ZNF853: variants seen among roughly 807,000 people sequenced by gnomAD.
The protein encoded by ZNF853 is zinc finger protein 853.
Under a neutral mutation model 94.7 loss-of-function variants are expected in ZNF853, and 57 were observed. The observed-to-expected ratio is 0.60, with a 90% CI of 0.49 to 0.75. ZNF853 has a LOEUF of 0.75. Among genes scored for constraint, ZNF853 ranks in the 30% least tolerant of loss-of-function variants. ZNF853 has a pLI of 0.00. For missense variants in ZNF853, 785 were observed against 868.9 expected (o/e 0.90, Z 1.21); for synonymous variants, 448 against 406.3 (o/e 1.10, Z -1.23).
Position 6,622,602 on chromosome 7 carries a change from CG to C in ZNF853, c.1612del (p.Glu538ArgfsTer161). 6.3e-7 allele frequency: 1 copy of C among 1,580,036 alleles called. No individual in the cohort carries two copies. The highest frequency in any genetic ancestry group is 8.6e-7 in the Non-Finnish European group (1 of 1,163,954). On this transcript the variant is annotated frameshift_variant, in exon 3 of 3. Coordinates refer to ENST00000457543, the MANE Select transcript of ZNF853 (RefSeq NM_017560.3). LOFTEE classifies it high-confidence loss of function. ...TGACGCACCAACGCATCCACACGGG[CG>C]AGAAACCCTACGCCTGCTCCTACTG... ...LVTHQRIHTG[E>X]KPYACSYCAK...
In ZNF853 at chr7:6,623,638, C is replaced by T. The variant is rs896092656; in HGVS notation, c.*667C>T. The T allele has an allele frequency of 3.3e-6, 1 of 301,560 alleles. No homozygotes were observed. The allele number at this position is 301,560 out of a possible 1,614,324, so 18.7% of individuals were successfully genotyped here. ...GTCCTGCTCCGGGTGGAAGGTAAAA[C>T]CTTCCCTCCAGGGAACCAGGGGCTC... On this transcript the variant is annotated 3_prime_UTR_variant, in exon 3 of 3. Coordinates refer to ENST00000457543, the MANE Select transcript of ZNF853 (RefSeq NM_017560.3).
Position 6,622,210 on chromosome 7 carries a change from G to A in ZNF853, c.1219G>A (p.Val407Met). 1 of 1,536,622 alleles carries A rather than the reference G, an allele frequency of 6.5e-7. No individual in the cohort carries two copies. The highest frequency in any genetic ancestry group is 2.4e-5 in the East Asian group (1 of 40,862). ...QQEVQLELTP[V>M]QPELQLELVP... ...GGAGGTGCAGCTGGAGCTGACCCCCGTGCAGCCGGAGCTGCAGCTGGAACT... is the reference window on the plus strand; with the variant it reads ...GGAGGTGCAGCTGGAGCTGACCCCCATGCAGCCGGAGCTGCAGCTGGAACT... The change falls in exon 3 of 3, where the codon GTG (valine) becomes ATG (methionine). Residue 407 changes from valine to methionine, a missense_variant. Physicochemically the swap from Val to Met is conservative, Grantham distance 21. Coordinates refer to ENST00000457543, the MANE Select transcript of ZNF853 (RefSeq NM_017560.3).
In ZNF853 at chr7:6,622,327, C is replaced by T; in HGVS notation, c.1336C>T (p.Leu446Phe). Residue 446 changes from leucine (L) to phenylalanine (F), a missense_variant, in exon 3 of 3, where the codon CTC (leucine) becomes TTC (phenylalanine). Physicochemically the swap from Leu to Phe is conservative, Grantham distance 22. Coordinates refer to ENST00000457543, the MANE Select transcript of ZNF853 (RefSeq NM_017560.3). ...CCCGGGCTACGTGGTGGTGCAGGAG[C>T]TCATGGTGCTGCCCGCCGTGGCAGC... ...APPGYVVVQE[L>F]MVLPAVAAPA... 1.3e-6 allele frequency: 2 copies of T among 1,500,228 alleles called. No homozygotes were observed. Among genetic ancestry groups the T allele is most frequent in the Non-Finnish European group, 1.8e-6 (2 of 1,133,094 alleles). 92.9% of individuals were successfully genotyped at this position (1,500,228 alleles called of 1,614,324 possible).
rs1239318801 is a variant in ZNF853 at position 6,622,559 on chromosome 7, C to T, written c.1568C>T (p.Ser523Leu). The T allele has an allele frequency of 1.3e-6, 2 of 1,559,078 alleles. No homozygotes were observed. The highest frequency in any genetic ancestry group is 1.7e-6 in the Non-Finnish European group (2 of 1,152,646). The change falls in exon 3 of 3, where the codon TCG (serine) becomes TTG (leucine). Residue 523 changes from serine (S) to leucine (L), a missense_variant. By Grantham distance (145) the Ser-to-Leu change is moderately radical. Coordinates refer to ENST00000457543, the MANE Select transcript of ZNF853 (RefSeq NM_017560.3). ...HRCGECGKGF[S>L]QHSNLVTHQR... ...TGCGGCGAGTGCGGCAAGGGCTTCT[C>T]GCAGCACTCGAATCTGGTGACGCAC...
At chr7:6,619,615 G>T in intron 2 of ZNF853, among the ~76,000 whole-genome samples, 2 of 152,102 alleles carry the variant, frequency 1.3e-5, no homozygotes, top group Non-Finnish European at 2.9e-5. Flanking sequence ...AAAATGGCCA[G>T]AAAGCAAACT....
chr7:6,619,522 G>A, intron 2 of ZNF853, among the ~76,000 whole-genome samples: 2 of 152,038 alleles, frequency 1.3e-5, no homozygotes, highest in Non-Finnish European at 2.9e-5. Context: ...CATCTGCCTC[G>A]GCCTCCCAAA....
At chr7:6,620,076 T>C in intron 2 of ZNF853, among the ~76,000 whole-genome samples, 1 of 152,194 alleles carries the variant, frequency 6.6e-6, no homozygotes, top group African/African-American at 2.4e-5. Flanking sequence ...CTTGTTGTAC[T>C]GTTTAAGCAG....
At chr7:6,620,393 G>A in intron 2 of ZNF853, among the ~76,000 whole-genome samples, 1 of 152,160 alleles carries the variant, frequency 6.6e-6, no homozygotes, top group Non-Finnish European at 1.5e-5. Flanking sequence ...GTTTCTACTG[G>A]AGGGTGATTA....
chr7:6,621,788 T>G lies in ZNF853; in HGVS notation c.797T>G (p.Leu266Arg), dbSNP rs1320178989. ...CAGCAGGCACAGTTACAACAGCAGC[T>G]GCTGGAACAGCAGCAGGCACAGTTA... Reference protein sequence around the residue: ...QQQQAQLQQQLLEQQQAQLQQ... With the variant: ...QQQQAQLQQQRLEQQQAQLQQ... The change falls in exon 3 of 3, where the codon CTG (leucine) becomes CGG (arginine). Residue 266 changes from leucine to arginine, a missense_variant. Coordinates refer to ENST00000457543, the MANE Select transcript of ZNF853 (RefSeq NM_017560.3). 6.5e-7 allele frequency: 1 copy of G among 1,549,246 alleles called. No individual in the cohort carries two copies. Among genetic ancestry groups the G allele is most frequent in the Admixed American group, 2.0e-5 (1 of 50,910 alleles).
chr7:6,618,094 G>A, intron 2 of ZNF853, among the ~76,000 whole-genome samples: 15 of 152,198 alleles, frequency 9.9e-5, no homozygotes, highest in Admixed American at 3.3e-4. Flanking sequence ...GAGGCCAGGA[G>A]TTTGAGACCA....
chr7:6,621,619 C>G lies in ZNF853; in HGVS notation c.628C>G (p.Gln210Glu). Residue 210 changes from glutamine (Q) to glutamate (E), a missense_variant, in exon 3 of 3, where the codon CAG becomes GAG. Transcript: ENST00000457543. ...ACAGCTGTTACAGCAACAGCAGGAA[C>G]AGTTACAGCAGCAGCAGCTGCTACA... Reference protein sequence around the residue: ...EQQLLQQQQEQLQQQQLLQQQ... With the variant: ...EQQLLQQQQEELQQQQLLQQQ... The G allele has an allele frequency of 1.3e-6, 2 of 1,550,046 alleles. No homozygotes were observed.
At position 6,621,841 on chromosome 7, in the gene ZNF853, G is replaced by C; in HGVS notation, c.850G>C (p.Glu284Gln). Residue 284 changes from glutamate (E) to glutamine (Q), a missense_variant, in exon 3 of 3, where the codon GAA becomes CAA. Physicochemically the swap from Glu to Gln is conservative, Grantham distance 29. Transcript: ENST00000457543. ...GCAGCAGCTACTGCTGCAGCAGCAG[G>C]AACAGTTACAGCAGCAGCAGCAACA... ...LQQQLLLQQQ[E>Q]QLQQQQQQQL... 6.4e-7 allele frequency: 1 copy of C among 1,550,626 alleles called. No homozygotes were observed. The highest frequency in any genetic ancestry group is 8.7e-7 in the Non-Finnish European group (1 of 1,146,622).
At chr7:6,617,138 G>T in intron 1 of ZNF853, 52 bp from the exon 2 acceptor site, 1 of 1,436,794 alleles carries the variant, frequency 7.0e-7, no homozygotes, top group Non-Finnish European at 9.4e-7. Flanking sequence ...GGCACCTGGC[G>T]GGGGTCAAAG....
intron 2 of ZNF853, among the ~76,000 whole-genome samples, chr7:6,618,923 C>T: frequency 6.6e-6 from 1 of 151,852 alleles, no homozygotes; most frequent in South Asian, 2.1e-4. Flanking sequence ...TCCCCCCAGC[C>T]AATGTCAGTG....
chr7:6,617,206 G>C lies in ZNF853; in HGVS notation c.29G>C (p.Arg10Pro). Reference protein sequence around the residue: MLHQPTPGNRGLTARMEVGP... With the variant: MLHQPTPGNPGLTARMEVGP... ...TCAGCACAGCCGACTCCCGGGAATC[G>C]GGGTCTGACCGCCAGGATGGAAGTG... The change falls in exon 2 of 3, where the codon CGG (arginine) becomes CCG (proline). Residue 10 changes from arginine to proline, a missense_variant. Physicochemically the swap from Arg to Pro is moderately radical, Grantham distance 103 (BLOSUM62 -2). Transcript: ENST00000457543. 2 of 1,540,338 alleles carry C rather than the reference G, an allele frequency of 1.3e-6. No homozygotes were observed. Among genetic ancestry groups the C allele is most frequent in the Non-Finnish European group, 1.8e-6 (2 of 1,142,042 alleles).
chr7:6,622,020 G>A lies in ZNF853; in HGVS notation c.1029G>A (p.Glu343=), dbSNP rs1292930040. ...TGGAGCAGCAGCGGCAGGAGTTGGA[G>A]CGGCAGCAGGAGCTGGAACGGCAGC... is the stretch of plus-strand genomic sequence containing the variant. The part of the protein sequence containing the change: ...QELEQQRQEL[E]RQQELERQQE... Residue 343 remains glutamate (E), a synonymous_variant, in exon 3 of 3, where the codon GAG becomes GAA. Transcript: ENST00000457543. 5 of 1,549,524 alleles carry A rather than the reference G, an allele frequency of 3.2e-6. No homozygotes were observed. The East Asian group carries it at 1.2e-4, about 38-fold the overall frequency.
chr7:6,623,211 A>G lies in ZNF853; in HGVS notation c.*240A>G, dbSNP rs541398037. 5.3e-5 allele frequency: 22 copies of G among 412,808 alleles called. No homozygotes were observed. Among genetic ancestry groups the G allele is most frequent in the African/African-American group, 3.9e-4 (19 of 49,018 alleles). 25.6% of individuals were successfully genotyped at this position (412,808 alleles called of 1,614,324 possible). A position where few individuals can be genotyped will look rare whatever the true frequency, so the allele number is the denominator to read the frequency against. On this transcript the variant is annotated 3_prime_UTR_variant, in exon 3 of 3. Coordinates refer to ENST00000457543, the MANE Select transcript of ZNF853 (RefSeq NM_017560.3). Reference sequence around the variant, plus strand: ...AAGTGGACCGGGGCTGAAACAGCACACGGGACACGTTTGTCTGCCCTTTGA... The same window carrying G: ...AAGTGGACCGGGGCTGAAACAGCACGCGGGACACGTTTGTCTGCCCTTTGA...
At chr7:6,616,876 C>A in intron 1 of ZNF853, among the ~76,000 whole-genome samples, 2 of 152,144 alleles carry the variant, frequency 1.3e-5, no homozygotes, top group African/African-American at 4.8e-5. Context: ...TTGTGAAGGG[C>A]TGATACCCAC....
Position 6,622,961 on chromosome 7 carries a change from AGGCGCTGTGAGGGCCGT to A in ZNF853, c.1972_*8del, listed in dbSNP as rs1782668675. On this transcript the variant is annotated stop_lost and 3_prime_UTR_variant, in exon 3 of 3. Coordinates refer to ENST00000457543, the MANE Select transcript of ZNF853 (RefSeq NM_017560.3). ...GCTACAGCCACTGCGCCCGCAGACA[AGGCGCTGTGAGGGCCGT>A]GATCGGGGCTGCCTGGCCGGGAGGG... 1.6e-6 allele frequency: 2 copies of A among 1,248,608 alleles called. No individual in the cohort carries two copies. The highest frequency in any genetic ancestry group is 8.4e-5 in the Admixed American group (2 of 23,706). 77.3% of individuals were successfully genotyped at this position (1,248,608 alleles called of 1,614,324 possible). A position where few individuals can be genotyped will look rare whatever the true frequency, so the allele number is the denominator to read the frequency against.
Sources: gnomAD v4.1 joint callset for allele counts (sites outside exome capture counted in the v4.1 genomes callset) on GRCh38, gnomAD v4.1.1 for gene constraint, MANE v1.5 for transcripts, NCBI Gene and HGNC (gene_info 2026-07-23, HGNC 2026-07-21) for gene names.